The following MMS19 variants were observed in gnomAD, a reference collection of about 807,000 sequenced individuals.
MMS19 encodes MMS19 cytosolic iron-sulfur assembly component.
Under a neutral mutation model 129.8 loss-of-function variants are expected in MMS19, and 77 were observed. The observed-to-expected ratio is 0.59, with a 90% CI of 0.49 to 0.72. The LOEUF (loss-of-function observed/expected upper bound fraction) is 0.72. Among genes scored for constraint, MMS19 ranks in the 30% least tolerant of loss-of-function variants. MMS19 has a pLI of 0.00. For missense variants in MMS19, 1,168 were observed against 1,266.3 expected (o/e 0.92, Z 1.18); for synonymous variants, 491 against 502.8 (o/e 0.98, Z 0.31).
chr10:97,469,563 G>A, intron 11 of MMS19, 83 bp downstream of exon 11: 1 of 1,170,738 alleles, frequency 8.5e-7, no homozygotes, highest in Non-Finnish European at 1.3e-6. Flanking sequence ...GGATGACAGA[G>A]GGAAAAGGAC....
At chr10:97,488,979 A>G (rs940905210) in intron 1 of MMS19, among the ~76,000 whole-genome samples, 1 of 152,046 alleles carries the variant, frequency 6.6e-6, no homozygotes, top group Admixed American at 6.6e-5. Flanking sequence ...ATTTTTTGAG[A>G]CAGCATCCTG....
intron 8 of MMS19, among the ~76,000 whole-genome samples, 176 bp from the exon 9 acceptor site, chr10:97,471,037 T>C (rs1418114058): frequency 6.6e-6 from 1 of 152,104 alleles, no homozygotes; most frequent in African/African-American, 2.4e-5. Flanking sequence ...CTTGGGAACT[T>C]TTGTCTTTAG....
chr10:97,480,264 G>A (rs1409631565), intron 3 of MMS19: 1 of 464,192 alleles, frequency 2.2e-6, no homozygotes, highest in African/African-American at 2.0e-5. Context: ...GTGGCAGGCG[G>A]AGTTCCCTCT....
rs1489309872 is a variant in MMS19, at chr10:97,476,901, C to G, written c.556G>C (p.Asp186His). The change falls in exon 7 of 31, where the codon GAT becomes CAT. Residue 186 changes from aspartate to histidine, a missense_variant. By Grantham distance (81) the Asp-to-His change is moderately conservative. Around this residue, in one of 3 missense-constraint regions of MMS19, gnomAD observed 329 missense variants for 328.6 expected, o/e 1.00. Coordinates refer to ENST00000438925, the MANE Select transcript of MMS19 (RefSeq NM_022362.5). ...AAGGCCACCAGAAGATTACGGGGAT[C>G]CTTTTCCCCATCCATCACCTGGATG... ...GFIQVMDGEK[D>H]PRNLLVAFRI... is the part of the protein sequence containing the mutation. 2 of 1,613,826 alleles carry G rather than the reference C, an allele frequency of 1.2e-6. No homozygotes were observed. The highest frequency in any genetic ancestry group is 1.7e-6 in the Non-Finnish European group (2 of 1,179,868).
At chr10:97,468,945 T>A in intron 12 of MMS19, 21 bp downstream of exon 12, 1 of 1,576,212 alleles carries the variant, frequency 6.3e-7, no homozygotes. Context: ...CTCCCCTTCC[T>A]GGCTGCCACG....
intron 18 of MMS19, 90 bp from the exon 19 acceptor site, chr10:97,464,103 A>T: frequency 8.2e-7 from 1 of 1,222,856 alleles, no homozygotes; most frequent in Non-Finnish European, 1.2e-6. Flanking sequence ...AACAAAGAAG[A>T]GTGACTGAAG....
chr10:97,464,350 G>C (rs1259788635), intron 18 of MMS19, among the ~76,000 whole-genome samples: 1 of 152,192 alleles, frequency 6.6e-6, no homozygotes, highest in Non-Finnish European at 1.5e-5. Flanking sequence ...CAGGGTCACA[G>C]GAAGTGCAAA....
chr10:97,463,919 C>T lies in MMS19; in HGVS notation c.1851G>A (p.Trp617Ter). Reference protein sequence around the residue: ...EKCQQDPESCWYFHQTAIPCL... With the variant: ...EKCQQDPESC ...AAGGTATAGCTGTCTGGTGGAAATA[C>T]CAGCAACTCTCAGGGTCCTGCTGAC... is the stretch of plus-strand genomic sequence containing the variant. The change falls in exon 19 of 31, where the codon TGG becomes TGA. Residue 617 changes from tryptophan to a stop codon, truncating the protein, a stop_gained. Coordinates refer to ENST00000438925, the MANE Select transcript of MMS19 (RefSeq NM_022362.5). LOFTEE classifies it high-confidence loss of function. 1 of 1,612,784 alleles carries T rather than the reference C, an allele frequency of 6.2e-7. No homozygotes were observed. Among genetic ancestry groups the T allele is most frequent in the Non-Finnish European group, 8.5e-7 (1 of 1,179,378 alleles).
intron 13 of MMS19, among the ~76,000 whole-genome samples, chr10:97,467,985 ATT>A (rs1273199638): frequency 6.9e-6 from 1 of 145,584 alleles, no homozygotes; most frequent in Non-Finnish European, 1.5e-5. Context: ...TTTAAAAAAA[ATT>A]TTTTTTTTTT....
chr10:97,461,833 G>C lies in MMS19; in HGVS notation c.2179C>G (p.Arg727Gly), dbSNP rs1036069369. ...TCCCAAATGTGCTCACTTACATTTC[G>C]AGGCAGGGAGCAGACAAAGGCCATA... ...LLMAFVCSLP[R>G]NVEIPQLNQL... is the part of the protein sequence containing the mutation. Residue 727 changes from arginine to glycine, a missense_variant, in exon 22 of 31, where the codon CGA (arginine) becomes GGA (glycine). Arg to Gly is a moderately radical substitution (Grantham distance 125, BLOSUM62 -2). This residue lies in a region of MMS19 where 831 missense variants were observed against 910.8 expected (regional missense o/e 0.91). Transcript: ENST00000438925. 2 of 1,608,540 alleles carry C rather than the reference G, an allele frequency of 1.2e-6. No homozygotes were observed. The highest frequency in any genetic ancestry group is 1.7e-6 in the Non-Finnish European group (2 of 1,177,578).
chr10:97,487,184 A>G (rs1228350843), intron 1 of MMS19, among the ~76,000 whole-genome samples: 1 of 151,930 alleles, frequency 6.6e-6, no homozygotes, highest in African/African-American at 2.4e-5. Context: ...TTAAAATCCT[A>G]TTTCAGTTAA....
intron 1 of MMS19, among the ~76,000 whole-genome samples, chr10:97,484,485 T>C (rs539967058): frequency 1.3e-5 from 2 of 152,180 alleles, no homozygotes; most frequent in Non-Finnish European, 2.9e-5. Context: ...TTCATATATA[T>C]ACATATACAC....
In MMS19 at chr10:97,460,956, C is replaced by T; in HGVS notation, c.2363G>A (p.Gly788Asp). Residue 788 changes from glycine to aspartate, a missense_variant, in exon 24 of 31, where the codon GGC becomes GAC. Physicochemically the swap from Gly to Asp is moderately conservative, Grantham distance 94. Transcript: ENST00000438925. Reference protein sequence around the residue: ...LQLAVDKVEAGLGSGPCRSQA... With the variant: ...LQLAVDKVEADLGSGPCRSQA... The stretch of plus-strand genomic sequence containing the variant: ...ACTACGACAGGGCCCAGAGCCCAGG[C>T]CAGCCTCCACTTTGTCCACAGCTAG... 1 of 1,577,626 alleles carries T rather than the reference C, an allele frequency of 6.3e-7. No homozygotes were observed. Among genetic ancestry groups the T allele is most frequent in the Non-Finnish European group, 8.6e-7 (1 of 1,161,110 alleles).
At position 97,498,379 on chromosome 10, in the gene MMS19, G is replaced by A. The variant is rs768525756; in HGVS notation, c.6C>T (p.Ala2=). 11 of 1,579,832 alleles carry A rather than the reference G, an allele frequency of 7.0e-6. No homozygotes were observed. The highest frequency in any genetic ancestry group is 1.7e-4 in the Middle Eastern group (1 of 6,058). Residue 2 remains alanine (A), a synonymous_variant, in exon 1 of 31, where the codon GCC becomes GCT. Transcript: ENST00000438925. ...CCGCCGCCTCCACAGCCGCGGCAGC[G>A]GCCATAACGCGAACTAGAGACCGTG... M[A]AAAAVEAAAP...
At chr10:97,488,989 G>A (rs1036572603) in intron 1 of MMS19, among the ~76,000 whole-genome samples, 2 of 151,936 alleles carry the variant, frequency 1.3e-5, no homozygotes, top group African/African-American at 4.8e-5. Context: ...ACAGCATCCT[G>A]CTCTGTTGCC....
chr10:97,497,303 C>T (rs1002366312), intron 1 of MMS19, among the ~76,000 whole-genome samples: 6 of 152,134 alleles, frequency 3.9e-5, no homozygotes, highest in African/African-American at 1.2e-4. Context: ...TGGAATACTG[C>T]TAACGAACAA....
chr10:97,481,965 C>T (rs1474835433), intron 2 of MMS19, among the ~76,000 whole-genome samples: 6 of 152,170 alleles, frequency 3.9e-5, no homozygotes, highest in Non-Finnish European at 2.9e-5. Flanking sequence ...CACTTGAGCC[C>T]GGCAGTCGTG....
intron 10 of MMS19, among the ~76,000 whole-genome samples, 160 bp from the exon 11 acceptor site, chr10:97,469,883 AC>A (rs2034322114): frequency 6.6e-6 from 1 of 152,166 alleles, no homozygotes; most frequent in Non-Finnish European, 1.5e-5. Flanking sequence ...GTAGGAGATA[AC>A]CCTGGTTGAT....
In MMS19 at chr10:97,462,720, ATGACGGGT is replaced by A. The variant is rs889946470; in HGVS notation, c.1913-46_1913-39del. 5.4e-6 allele frequency: 8 copies of A among 1,495,158 alleles called. No individual in the cohort carries two copies. In the African/African-American group the frequency reaches 1.1e-4, roughly 21 times the overall value. 92.6% of individuals were successfully genotyped at this position (1,495,158 alleles called of 1,614,324 possible). A position where few individuals can be genotyped will look rare whatever the true frequency, so the allele number is the denominator to read the frequency against. On this transcript the variant is annotated intron_variant, in intron 19 of 30. Transcript: ENST00000438925. The stretch of plus-strand genomic sequence containing the variant: ...CACACATGCACACAATCACAAGACC[ATGACGGGT>A]TCAAGAAATGAATGATTGGGTTCTG...
Sources: gnomAD v4.1 joint callset for allele counts (sites outside exome capture counted in the v4.1 genomes callset) on GRCh38, gnomAD v4.1.1 for gene constraint, gnomAD v4.1.1 regional missense constraint, MANE v1.5 for transcripts, NCBI Gene and HGNC (gene_info 2026-07-23, HGNC 2026-07-21) for gene names.